Variants in NCK2 observed in about 807,000 individuals in gnomAD.
The protein encoded by NCK2 is NCK adaptor protein 2.
In NCK2, 16 loss-of-function variants were observed where a neutral mutation model predicts 33.9. The ratio of observed to expected loss-of-function variants is 0.47; its 90% CI spans 0.32 to 0.72. NCK2 has a LOEUF of 0.72. Among genes scored for constraint, NCK2 ranks in the 30% least tolerant of loss-of-function variants. The pLI is 0.03. For missense variants in NCK2, 418 were observed against 537.3 expected, an observed-to-expected ratio of 0.78 and a Z score of 2.19; for synonymous variants, 273 against 239.9, an observed-to-expected ratio of 1.14 and a Z score of -1.27.
At chr2:105,855,403 C>T in intron 3 of NCK2, 114 bp downstream of exon 3, 1 of 751,880 alleles carries the variant, frequency 1.3e-6, no homozygotes, top group South Asian at 2.0e-5. Flanking sequence ...AAGTTAATAT[C>T]TTCCTAGTTG....
At chr2:105,746,291 A>G (rs1385892213) in intron 1 of NCK2, among the ~76,000 whole-genome samples, 1 of 152,238 alleles carries the variant, frequency 6.6e-6, no homozygotes, top group Non-Finnish European at 1.5e-5. Context: ...TCGACCCAGA[A>G]AGAAACAACC....
At chr2:105,875,379 C>A (rs958841851) in intron 3 of NCK2, among the ~76,000 whole-genome samples, 4 of 152,230 alleles carry the variant, frequency 2.6e-5, no homozygotes, top group Admixed American at 1.3e-4. Context: ...GCCCAGTCCC[C>A]TGGGCTGTAC....
intron 3 of NCK2, among the ~76,000 whole-genome samples, chr2:105,862,526 T>C (rs1677580326): frequency 6.6e-6 from 1 of 152,162 alleles, no homozygotes; most frequent in Admixed American, 6.5e-5. Flanking sequence ...AAATTGACTA[T>C]CTGGATTTAG....
At chr2:105,762,863 C>A (rs1558825290) in intron 1 of NCK2, among the ~76,000 whole-genome samples, 1 of 152,210 alleles carries the variant, frequency 6.6e-6, no homozygotes, top group Non-Finnish European at 1.5e-5. Context: ...ATATTAATAA[C>A]TGTGTTCCAC....
chr2:105,782,587 T>C (rs1690536388), intron 1 of NCK2, among the ~76,000 whole-genome samples: 1 of 152,248 alleles, frequency 6.6e-6, no homozygotes, highest in Non-Finnish European at 1.5e-5. Flanking sequence ...GTATGTGGTT[T>C]TAGTACTTTT....
At chr2:105,744,718 G>C (rs552452242), upstream of NCK2, among the ~76,000 whole-genome samples, 1 of 151,044 alleles carries the variant, frequency 6.6e-6, no homozygotes, top group African/African-American at 2.4e-5. Context: ...TGGCGACGAC[G>C]GGGGGCGCCC....
At chr2:105,822,266 C>T (rs1423871063) in intron 2 of NCK2, among the ~76,000 whole-genome samples, 1 of 152,114 alleles carries the variant, frequency 6.6e-6, no homozygotes. Flanking sequence ...CCCCGAGGGC[C>T]TCTGCTGCTC....
intron 3 of NCK2, among the ~76,000 whole-genome samples, chr2:105,871,701 G>A (rs1241050743): frequency 6.6e-6 from 1 of 152,012 alleles, no homozygotes; most frequent in African/African-American, 2.4e-5. Context: ...CACCATTTTG[G>A]CCAGGCTGGT....
At chr2:105,864,489 C>T (rs905203643) in intron 3 of NCK2, among the ~76,000 whole-genome samples, 2 of 151,998 alleles carry the variant, frequency 1.3e-5, no homozygotes, top group Non-Finnish European at 2.9e-5. Flanking sequence ...GACTGAGCCA[C>T]GGTGCGTAGT....
At chr2:105,831,253 ATT>A (rs1382109108) in intron 2 of NCK2, among the ~76,000 whole-genome samples, 1 of 152,164 alleles carries the variant, frequency 6.6e-6, no homozygotes, top group Non-Finnish European at 1.5e-5. Flanking sequence ...ATACAATGAT[ATT>A]TTTCACAGAA....
chr2:105,804,264 A>G (rs766961295), intron 1 of NCK2, among the ~76,000 whole-genome samples: 60 of 152,346 alleles, frequency 3.9e-4, no homozygotes, highest in Admixed American at 8.5e-4. Context: ...ATGTGTGTAA[A>G]TGAACGGACC....
intron 1 of NCK2, among the ~76,000 whole-genome samples, chr2:105,796,097 A>G (rs1691073445): frequency 6.6e-6 from 1 of 152,258 alleles, no homozygotes; most frequent in African/African-American, 2.4e-5. Context: ...ACAGGTCCCA[A>G]GAAGACAGAA....
At chr2:105,823,149 TG>T (rs1675811293) in intron 2 of NCK2, among the ~76,000 whole-genome samples, 1 of 74,656 alleles carries the variant, frequency 1.3e-5, no homozygotes, top group East Asian at 4.3e-4. Context: ...TGTGTGTGTG[TG>T]TGTGTGTGTG....
chr2:105,790,388 C>T (rs902366537), intron 1 of NCK2, among the ~76,000 whole-genome samples: 5 of 152,172 alleles, frequency 3.3e-5, no homozygotes, highest in African/African-American at 1.2e-4. Flanking sequence ...TGGCAAGTAG[C>T]CTGACTTCTA....
rs901035482 is a variant in NCK2 at position 105,844,609 on chromosome 2, T to C, written c.-16-10439T>C. 2.0e-5 allele frequency among the ~76,000 whole-genome samples: 3 copies of C among 149,980 alleles called. No homozygotes were observed. In the South Asian group the frequency reaches 6.3e-4, roughly 31 times the overall value. The stretch of plus-strand genomic sequence containing the variant: ...AAAAAACAGCTGGGCATGGAGGCTC[T>C]TACCTGTAATTGCAGCTACTCGGGA... On this transcript the variant is annotated intron_variant, in intron 2 of 4. Coordinates refer to ENST00000233154, the MANE Select transcript of NCK2 (RefSeq NM_003581.5).
intron 2 of NCK2, among the ~76,000 whole-genome samples, chr2:105,837,615 A>G (rs1676482028): frequency 6.6e-6 from 1 of 152,194 alleles, no homozygotes; most frequent in Non-Finnish European, 1.5e-5. Flanking sequence ...TACTGCATAT[A>G]AGTAGAAGTG....
intron 2 of NCK2, among the ~76,000 whole-genome samples, chr2:105,826,570 A>C (rs1035985365): frequency 6.6e-6 from 1 of 152,224 alleles, no homozygotes; most frequent in Non-Finnish European, 1.5e-5. Context: ...AATGTAACTA[A>C]TAAAGCAAGA....
rs74887086 is a variant in NCK2 at position 105,767,081 on chromosome 2, A to T, written c.-201+21943A>T. Among the ~76,000 whole-genome samples, 197 of 152,202 alleles carry T rather than the reference A, an allele frequency of 1.3e-3. 2 individuals are homozygous for T. The East Asian group carries it at 0.027, about 21-fold the overall frequency. Reference sequence around the variant, plus strand: ...AGCCAGGTTCAGGCCCACACACACCAGTGCTGGGTTCCTGGTGCCTGCTTA... The same window carrying T: ...AGCCAGGTTCAGGCCCACACACACCTGTGCTGGGTTCCTGGTGCCTGCTTA... On this transcript the variant is annotated intron_variant, in intron 1 of 4. Transcript: ENST00000233154.
rs533340052 is a variant in NCK2 at position 105,887,129 on chromosome 2, A to G, written c.948+5080A>G. Among the ~76,000 whole-genome samples the G allele has an allele frequency of 2.6e-5, 4 of 152,352 alleles. No individual in the cohort carries two copies. The East Asian group carries it at 7.7e-4, about 29-fold the overall frequency. On this transcript the variant is annotated intron_variant, in intron 4 of 4. Coordinates refer to ENST00000233154, the MANE Select transcript of NCK2 (RefSeq NM_003581.5). Reference sequence around the variant, plus strand: ...ATAAGTATAGGCAGGAGTAATTTTTATTAAAAGAAGGCTACCTTAGACAAC... The same window carrying G: ...ATAAGTATAGGCAGGAGTAATTTTTGTTAAAAGAAGGCTACCTTAGACAAC...
Sources: allele counts gnomAD v4.1 joint callset (sites outside exome capture counted in the v4.1 genomes callset), GRCh38; gene constraint gnomAD v4.1.1; transcripts MANE v1.5; gene names NCBI Gene and HGNC (gene_info 2026-07-23, HGNC 2026-07-21).